Variants in NPSR1 observed in about 807,000 individuals in gnomAD.
NPSR1 encodes neuropeptide S receptor.
NPSR1 carries 48 observed loss-of-function variants against 46.9 expected under a neutral mutation model. The observed-to-expected ratio is 1.02, with a 90% CI of 0.81 to 1.30. The LOEUF (loss-of-function observed/expected upper bound fraction) is 1.30. NPSR1 is among the 50% of genes most tolerant of loss of function. The pLI, the probability that NPSR1 is intolerant of heterozygous loss-of-function variation, is 0.00. For synonymous variants in NPSR1, 176 were observed against 168.1 expected (o/e 1.05, Z -0.36); for missense variants, 450 against 449.5 (o/e 1.00, Z -0.01).
At chr7:34,710,995 C>G in intron 2 of NPSR1, 1 of 354,446 alleles carries the variant, frequency 2.8e-6, no homozygotes, top group Non-Finnish European at 5.5e-6. Flanking sequence ...AAGCTGACCA[C>G]TTCTATGTAC....
At chr7:34,833,475 C>T (rs1285793460) in intron 5 of NPSR1, among the ~76,000 whole-genome samples, 3 of 152,102 alleles carry the variant, frequency 2.0e-5, no homozygotes, top group Admixed American at 6.5e-5. Flanking sequence ...TTTCCAGCAC[C>T]GTACTTGGCA....
At chr7:34,675,893 C>CA (rs1792289654) in intron 1 of NPSR1, among the ~76,000 whole-genome samples, 1 of 152,206 alleles carries the variant, frequency 6.6e-6, no homozygotes, top group African/African-American at 2.4e-5. Context: ...AAATACATTT[C>CA]TTATTTCCAC....
chr7:34,791,738 G>T (rs1787892751), intron 3 of NPSR1, among the ~76,000 whole-genome samples: 1 of 152,076 alleles, frequency 6.6e-6, no homozygotes, highest in Non-Finnish European at 1.5e-5. Context: ...TCCCAGAATT[G>T]CCAGTGTTAA....
chr7:34,689,956 A>T (rs80150696), intron 2 of NPSR1, among the ~76,000 whole-genome samples: 12 of 105,660 alleles, frequency 1.1e-4, no homozygotes, highest in African/African-American at 2.4e-4. Flanking sequence ...AAAAAAAATT[A>T]AAAAAAAAAA....
chr7:34,779,457 C>A, intron 3 of NPSR1: 1 of 442,156 alleles, frequency 2.3e-6, no homozygotes, highest in Non-Finnish European at 3.7e-6. Flanking sequence ...TGCTAGATTC[C>A]ATTTGTTAGT....
chr7:34,864,374 T>G (rs6968291), intron 8 of NPSR1, among the ~76,000 whole-genome samples: 2 of 129,132 alleles, frequency 1.5e-5, no homozygotes, highest in Non-Finnish European at 1.7e-5. Flanking sequence ...AGTATAATAA[T>G]AAAAAAAAAA....
At chr7:34,672,969 A>G (rs529450631) in intron 1 of NPSR1, among the ~76,000 whole-genome samples, 4 of 152,292 alleles carry the variant, frequency 2.6e-5, no homozygotes, top group South Asian at 2.1e-4. Context: ...CTACCTCAAA[A>G]GTGCCTGAAT....
intron 8 of NPSR1, among the ~76,000 whole-genome samples, chr7:34,860,856 T>G (rs1791177136): frequency 1.3e-5 from 2 of 151,726 alleles, no homozygotes; most frequent in African/African-American, 2.4e-5. Flanking sequence ...CTCTCCCCAC[T>G]CCCATCCTAG....
At chr7:34,768,029 T>A (rs1786511798) in intron 2 of NPSR1, among the ~76,000 whole-genome samples, 1 of 152,072 alleles carries the variant, frequency 6.6e-6, no homozygotes. Flanking sequence ...CACAAAAAAA[T>A]GATAAATGCT....
chr7:34,823,182 C>G (rs766985133), intron 4 of NPSR1, among the ~76,000 whole-genome samples: 3 of 151,798 alleles, frequency 2.0e-5, no homozygotes, highest in Non-Finnish European at 4.4e-5. Context: ...CTTGAGGTCA[C>G]AAGTTTGAGA....
At chr7:34,824,263 A>C (rs1409802591) in intron 4 of NPSR1, among the ~76,000 whole-genome samples, 1 of 152,204 alleles carries the variant, frequency 6.6e-6, no homozygotes, top group African/African-American at 2.4e-5. Flanking sequence ...ACGATTTTAT[A>C]AAAAGGTAAA....
chr7:34,684,358 T>C (rs1222664187), intron 1 of NPSR1, among the ~76,000 whole-genome samples, 194 bp from the exon 2 acceptor site: 1 of 152,210 alleles, frequency 6.6e-6, no homozygotes, highest in South Asian at 2.1e-4. Flanking sequence ...TTCCAAAAGA[T>C]TTTTAAAAGG....
intron 2 of NPSR1, among the ~76,000 whole-genome samples, chr7:34,761,491 A>C (rs967133955): frequency 1.2e-4 from 19 of 152,120 alleles, no homozygotes; most frequent in Admixed American, 1.2e-3. Flanking sequence ...GCATATCTCT[A>C]TGTCTGCCTC....
At chr7:34,813,562 A>G (rs1789097332) in intron 4 of NPSR1, among the ~76,000 whole-genome samples, 1 of 152,252 alleles carries the variant, frequency 6.6e-6, no homozygotes, top group Non-Finnish European at 1.5e-5. Context: ...GACAAAAACA[A>G]TATGCACAAA....
intron 2 of NPSR1, among the ~76,000 whole-genome samples, chr7:34,692,897 C>CT (rs1236389497): frequency 3.3e-5 from 5 of 152,130 alleles, no homozygotes; most frequent in Admixed American, 6.5e-5. Context: ...GATGTGTGTC[C>CT]TAGACCAAAT....
At chr7:34,859,410 C>T (rs886700020) in intron 8 of NPSR1, among the ~76,000 whole-genome samples, 16 of 151,558 alleles carry the variant, frequency 1.1e-4, no homozygotes, top group Non-Finnish European at 2.9e-5. Context: ...CCTTCCTTGT[C>T]CCCCAGAGTG....
intron 2 of NPSR1, among the ~76,000 whole-genome samples, chr7:34,755,496 T>C (rs1056224098): frequency 6.6e-6 from 1 of 152,196 alleles, no homozygotes; most frequent in African/African-American, 2.4e-5. Flanking sequence ...TTGCAGACAG[T>C]TTACTATCCT....
At chr7:34,875,929 G>C (rs1433246437) in intron 8 of NPSR1, among the ~76,000 whole-genome samples, 1 of 152,142 alleles carries the variant, frequency 6.6e-6, no homozygotes, top group Non-Finnish European at 1.5e-5. Context: ...CACTGTTCCT[G>C]TAGCCCCTCC....
At chr7:34,792,884 A>AAAACAAAC (rs138795664) in intron 3 of NPSR1, among the ~76,000 whole-genome samples, 127 of 146,066 alleles carry the variant, frequency 8.7e-4, no homozygotes, top group African/African-American at 3.1e-3. Flanking sequence ...ACCCTGTCTC[A>AAAACAAAC]AAACAAACAA....
Sources: gnomAD v4.1 joint callset for allele counts (sites outside exome capture counted in the v4.1 genomes callset) on GRCh38, gnomAD v4.1.1 for gene constraint, MANE v1.5 for transcripts, NCBI Gene and HGNC (gene_info 2026-07-23, HGNC 2026-07-21) for gene names.